The following KCNIP4 variants were observed in gnomAD, a reference collection of about 807,000 sequenced individuals.
KCNIP4 encodes Kv channel-interacting protein 4.
A neutral mutation model predicts 34.0 loss-of-function variants in KCNIP4; 12 were observed. The observed-to-expected ratio is 0.35, with a 90% CI of 0.23 to 0.57. KCNIP4 has a LOEUF of 0.57. Ranked by LOEUF, KCNIP4 falls within the 20% of genes least tolerant of loss-of-function variation. The pLI is 0.83. For synonymous variants in KCNIP4, 124 were observed against 102.2 expected (o/e 1.21, Z -1.29); for missense variants, 238 against 311.7 (o/e 0.76, Z 1.78).
chr4:21,220,601 C>G (rs952647793), intron 1 of KCNIP4, among the ~76,000 whole-genome samples: 1 of 151,668 alleles, frequency 6.6e-6, no homozygotes, highest in Non-Finnish European at 1.5e-5. Flanking sequence ...TCTTTTTTTA[C>G]AGTTGATAGG....
intron 1 of KCNIP4, among the ~76,000 whole-genome samples, chr4:21,745,381 T>C (rs1039069870): frequency 6.6e-6 from 1 of 152,202 alleles, no homozygotes; most frequent in Non-Finnish European, 1.5e-5. Flanking sequence ...ATAACTGTGA[T>C]ATTTATGAAA....
At chr4:21,407,389 T>C (rs1724084699) in intron 1 of KCNIP4, among the ~76,000 whole-genome samples, 1 of 152,166 alleles carries the variant, frequency 6.6e-6, no homozygotes, top group Admixed American at 6.6e-5. Flanking sequence ...CATTTCCTAA[T>C]ACATTTATTA....
chr4:21,079,417 T>C (rs1745807312), intron 1 of KCNIP4, among the ~76,000 whole-genome samples: 1 of 152,124 alleles, frequency 6.6e-6, no homozygotes, highest in Non-Finnish European at 1.5e-5. Context: ...TTTAGAGATA[T>C]TCATTTATTG....
chr4:21,127,705 A>G (rs1028099220), intron 1 of KCNIP4, among the ~76,000 whole-genome samples: 1 of 152,230 alleles, frequency 6.6e-6, no homozygotes, highest in Non-Finnish European at 1.5e-5. Flanking sequence ...ATGTGTTAAT[A>G]TAAAGGAATC....
chr4:21,616,563 T>C (rs1744624721), intron 1 of KCNIP4, among the ~76,000 whole-genome samples: 1 of 152,170 alleles, frequency 6.6e-6, no homozygotes, highest in Admixed American at 6.5e-5. Flanking sequence ...TTAGAGGTTA[T>C]ATGTCTAAAA....
intron 1 of KCNIP4, among the ~76,000 whole-genome samples, chr4:21,221,530 T>C (rs1399643243): frequency 2.6e-5 from 4 of 152,060 alleles, no homozygotes; most frequent in Non-Finnish European, 4.4e-5. Flanking sequence ...AACTATCAGA[T>C]CTTGTGAGAA....
At chr4:21,382,724 C>G (rs1012196924) in intron 1 of KCNIP4, among the ~76,000 whole-genome samples, 8 of 152,176 alleles carry the variant, frequency 5.3e-5, no homozygotes, top group Non-Finnish European at 1.0e-4. Flanking sequence ...AAGCTGAACC[C>G]ATGGCTCAAA....
intron 1 of KCNIP4, among the ~76,000 whole-genome samples, chr4:21,605,556 T>C (rs1189317238): frequency 6.6e-6 from 1 of 152,006 alleles, no homozygotes; most frequent in Non-Finnish European, 1.5e-5. Context: ...TCTCGGCTCA[T>C]TGCAACCTTT....
At chr4:21,589,385 C>T (rs73252291) in intron 1 of KCNIP4, among the ~76,000 whole-genome samples, 9,866 of 145,962 alleles carry the variant, frequency 0.068, 496 homozygotes, top group African/African-American at 0.14. Flanking sequence ...TGTTCAGGGT[C>T]GGAGAAAAGG....
intron 1 of KCNIP4, among the ~76,000 whole-genome samples, chr4:21,735,376 C>G (rs28377254): frequency 1.3e-5 from 2 of 151,920 alleles, no homozygotes; most frequent in African/African-American, 2.4e-5. Context: ...ACAAAGATTA[C>G]AAATACTTAA....
intron 1 of KCNIP4, among the ~76,000 whole-genome samples, chr4:21,342,517 G>A (rs956220769): frequency 6.6e-6 from 1 of 152,110 alleles, no homozygotes; most frequent in Non-Finnish European, 1.5e-5. Context: ...CACTGCTGGA[G>A]TTAGAACACA....
chr4:20,865,075 G>C (rs942164802), intron 2 of KCNIP4, among the ~76,000 whole-genome samples: 11 of 152,090 alleles, frequency 7.2e-5, no homozygotes, highest in African/African-American at 2.4e-4. Flanking sequence ...GTGATATTCT[G>C]TGTATAAATA....
intron 1 of KCNIP4, among the ~76,000 whole-genome samples, chr4:21,032,579 A>G (rs12645002): frequency 0.44 from 66,619 of 151,786 alleles, 16,498 homozygotes; most frequent in African/African-American, 0.69. Context: ...CCTGTTTTAG[A>G]GAGCCCAGAA....
intron 3 of KCNIP4, among the ~76,000 whole-genome samples, chr4:20,761,244 C>G (rs976514375): frequency 6.6e-6 from 1 of 152,134 alleles, no homozygotes; most frequent in South Asian, 2.1e-4. Context: ...CATTAGATAT[C>G]AAGCTGGCCA....
chr4:21,437,023 T>G (rs1379184488), intron 1 of KCNIP4, among the ~76,000 whole-genome samples: 1 of 152,218 alleles, frequency 6.6e-6, no homozygotes, highest in East Asian at 1.9e-4. Flanking sequence ...TCAAGTGCAA[T>G]GCTTTTCCTG....
intron 1 of KCNIP4, among the ~76,000 whole-genome samples, chr4:21,247,735 GATATATAT>G (rs58465908): frequency 0.024 from 1,496 of 61,360 alleles, 104 homozygotes; most frequent in African/African-American, 0.13. Context: ...TCCACAGGTG[GATATATAT>G]ATATATATAT....
intron 1 of KCNIP4, among the ~76,000 whole-genome samples, chr4:21,400,578 C>CTCTTCTCTTCTCTTT (rs1491290545): frequency 1.1e-4 from 9 of 78,902 alleles, no homozygotes; most frequent in Non-Finnish European, 2.1e-4. Flanking sequence ...CTCTTCTCTT[C>CTCTTCTCTTCTCTTT]GTTCTTTCTT....
intron 1 of KCNIP4, among the ~76,000 whole-genome samples, chr4:21,087,216 A>G (rs9994056): frequency 0.51 from 73,224 of 143,570 alleles, 20,205 homozygotes; most frequent in African/African-American, 0.75. Context: ...TTGCTCTGCC[A>G]CCCAGGCTGG....
At chr4:21,656,140 T>A (rs1337071106) in intron 1 of KCNIP4, among the ~76,000 whole-genome samples, 1 of 152,204 alleles carries the variant, frequency 6.6e-6, no homozygotes, top group Non-Finnish European at 1.5e-5. Flanking sequence ...AGGAAGAATC[T>A]ACTCCATGTC....
Sources: allele counts gnomAD v4.1 joint callset (sites outside exome capture counted in the v4.1 genomes callset), GRCh38; gene constraint gnomAD v4.1.1; transcripts MANE v1.5; gene names NCBI Gene and HGNC (gene_info 2026-07-23, HGNC 2026-07-21).